Variants in CXCR5 observed in about 807,000 individuals in gnomAD.
CXCR5 encodes the protein C-X-C motif chemokine receptor 5.
CXCR5 carries 3 observed loss-of-function variants against 5.6 expected under a neutral mutation model. That is an observed-to-expected ratio of 0.54 (90% CI 0.24 to 1.39). CXCR5 has a LOEUF of 1.39. Ranked by LOEUF, CXCR5 falls within the 40% of genes most tolerant of loss-of-function variation. CXCR5 has a pLI of 0.16. For synonymous variants in CXCR5, 218 were observed against 219.9 expected (o/e 0.99, Z 0.08); for missense variants, 333 against 494.6 (o/e 0.67, Z 3.10).
rs1466108313 is a variant in CXCR5 at position 118,893,050 on chromosome 11, T to C, written c.52-546T>C. On this transcript the variant is annotated intron_variant, in intron 1 of 1. Transcript: ENST00000292174. The surrounding 1 kb of genome is among the most constrained non-coding windows in gnomAD (Gnocchi z 5.7). Reference sequence around the variant, plus strand: ...CATACCTTGAGCGGGTTGTGCATATTGAACCAGATGGGAGGCTATTACTGC... The same window carrying C: ...CATACCTTGAGCGGGTTGTGCATATCGAACCAGATGGGAGGCTATTACTGC... 6.6e-6 allele frequency among the ~76,000 whole-genome samples: 1 copy of C among 152,142 alleles called. No individual in the cohort carries two copies. Among genetic ancestry groups the C allele is most frequent in the Non-Finnish European group, 1.5e-5 (1 of 68,024 alleles).
Position 118,895,054 on chromosome 11 carries a change from G to A in CXCR5, c.*391G>A, listed in dbSNP as rs1397614500. The A allele has an allele frequency of 5.3e-6, 1 of 187,048 alleles. No homozygotes were observed. The highest frequency in any genetic ancestry group is 2.4e-5 in the African/African-American group (1 of 42,242). The allele number at this position is 187,048 out of a possible 1,614,324, so 11.6% of individuals were successfully genotyped here. A position where few individuals can be genotyped will look rare whatever the true frequency, so the allele number is the denominator to read the frequency against. Reference sequence around the variant, plus strand: ...CCCAGAACACACTCCATCAGCTTAGGGGCTGCTGACCTCCACAGCTTCCCC... The same window carrying A: ...CCCAGAACACACTCCATCAGCTTAGAGGCTGCTGACCTCCACAGCTTCCCC... On this transcript the variant is annotated 3_prime_UTR_variant, in exon 2 of 2. Coordinates refer to ENST00000292174, the MANE Select transcript of CXCR5 (RefSeq NM_001716.5). This position sits in a 1 kb window ranked among gnomAD's most constrained non-coding sequence, Gnocchi z 4.2.
Position 118,897,451 on chromosome 11 carries a change from G to A in CXCR5, c.*2788G>A, listed in dbSNP as rs1047236002. On this transcript the variant is annotated 3_prime_UTR_variant, in exon 2 of 2. Transcript: ENST00000292174. ...TGGAAAGCCAGGGCCCCGTGTCACC[G>A]GTGTGGGCAAACACACATGCACGTG... 3.8e-5 allele frequency: 8 copies of A among 211,178 alleles called. No individual in the cohort carries two copies. The highest frequency in any genetic ancestry group is 1.2e-4 in the African/African-American group (5 of 42,076). 13.1% of individuals were successfully genotyped at this position (211,178 alleles called of 1,614,324 possible).
chr11:118,894,084 T>C lies in CXCR5; in HGVS notation c.540T>C (p.Leu180=). 6.2e-7 allele frequency: 1 copy of C among 1,614,004 alleles called. No homozygotes were observed. The change falls in exon 2 of 2, where the codon CTT becomes CTC. Residue 180 remains leucine (L), a synonymous_variant. Transcript: ENST00000292174. The surrounding 1 kb of genome is among the most constrained non-coding windows in gnomAD (Gnocchi z 6.1). ...CGTIWLVGFL[L]ALPEILFAKV... is the part of the protein sequence containing the mutation. ...CCATCTGGCTGGTGGGCTTCCTCCTTGCCTTGCCAGAGATTCTCTTCGCCA... is the reference window on the plus strand; with the variant it reads ...CCATCTGGCTGGTGGGCTTCCTCCTCGCCTTGCCAGAGATTCTCTTCGCCA...
intron 1 of CXCR5, chr11:118,887,563 A>C: frequency 2.4e-6 from 1 of 413,138 alleles, no homozygotes; most frequent in Non-Finnish European, 3.3e-6. Context: ...AGTCTCACAG[A>C]CTTGTCCCTG....
At position 118,893,769 on chromosome 11, in the gene CXCR5, C is replaced by A. The variant is rs1939849805; in HGVS notation, c.225C>A (p.Ile75=). 6.2e-7 allele frequency: 1 copy of A among 1,614,160 alleles called. No homozygotes were observed. Among genetic ancestry groups the A allele is most frequent in the South Asian group, 1.1e-5 (1 of 91,084 alleles). ...TCGGCAACGTCCTGGTGCTGGTGAT[C>A]CTGGAGCGGCACCGGCAGACACGCA... is the stretch of plus-strand genomic sequence containing the variant. The part of the protein sequence containing the change: ...GVIGNVLVLV[I]LERHRQTRSS... The change falls in exon 2 of 2, where the codon ATC becomes ATA. Residue 75 remains isoleucine (I), a synonymous_variant. Transcript: ENST00000292174. The surrounding 1 kb of genome is among the most constrained non-coding windows in gnomAD (Gnocchi z 5.7).
intron 1 of CXCR5, among the ~76,000 whole-genome samples, chr11:118,889,334 G>A (rs189464520): frequency 6.6e-6 from 1 of 152,344 alleles, no homozygotes; most frequent in East Asian, 1.9e-4. Flanking sequence ...CTGTGTCTAT[G>A]CAAGGTGCAT....
At chr11:118,885,237 C>T (rs76109832) in intron 1 of CXCR5, among the ~76,000 whole-genome samples, 4,722 of 152,232 alleles carry the variant, frequency 0.031, 93 homozygotes, top group Middle Eastern at 0.061. Context: ...CGGATCCAAA[C>T]CGTAGGTGGA....
In CXCR5 at chr11:118,893,017, T is replaced by C. The variant is rs538639276; in HGVS notation, c.52-579T>C. ...GCAAGACACATCTGTGAAATAGGAA[T>C]AATATTACATACCTTGAGCGGGTTG... On this transcript the variant is annotated intron_variant, in intron 1 of 1. Transcript: ENST00000292174. The surrounding 1 kb of genome is among the most constrained non-coding windows in gnomAD (Gnocchi z 5.7). Among the ~76,000 whole-genome samples, 1 of 152,318 alleles carries C rather than the reference T, an allele frequency of 6.6e-6. No individual in the cohort carries two copies. The highest frequency in any genetic ancestry group is 2.1e-4 in the South Asian group (1 of 4,828).
intron 1 of CXCR5, among the ~76,000 whole-genome samples, chr11:118,885,256 C>T (rs1329237995): frequency 1.3e-5 from 2 of 152,128 alleles, no homozygotes; most frequent in South Asian, 2.1e-4. Context: ...GAATCAGAGC[C>T]GGACCATTCA....
chr11:118,895,018 C>T lies in CXCR5; in HGVS notation c.*355C>T, dbSNP rs1446413935. 17 of 213,700 alleles carry T rather than the reference C, an allele frequency of 8.0e-5. No homozygotes were observed. Among genetic ancestry groups the T allele is most frequent in the African/African-American group, 2.8e-4 (12 of 43,156 alleles). 13.2% of individuals were successfully genotyped at this position (213,700 alleles called of 1,614,324 possible). A position where few individuals can be genotyped will look rare whatever the true frequency, so the allele number is the denominator to read the frequency against. On this transcript the variant is annotated 3_prime_UTR_variant, in exon 2 of 2. Transcript: ENST00000292174. This position sits in a 1 kb window ranked among gnomAD's most constrained non-coding sequence, Gnocchi z 4.2. Reference sequence around the variant, plus strand: ...TACTTCTGCCCTTGCCAACGGAGAGCGCCTGCCCCTCCCAGAACACACTCC... The same window carrying T: ...TACTTCTGCCCTTGCCAACGGAGAGTGCCTGCCCCTCCCAGAACACACTCC...
chr11:118,889,635 C>T lies in CXCR5; in HGVS notation c.52-3961C>T, dbSNP rs563966747. 3.3e-5 allele frequency among the ~76,000 whole-genome samples: 5 copies of T among 152,254 alleles called. No individual in the cohort carries two copies. In the South Asian group the frequency reaches 6.2e-4, roughly 19 times the overall value. ...AAGTGGCTTTAACATGTGCCACTCC[C>T]GAACCCCCAAAACGTCTGTTTGACA... On this transcript the variant is annotated intron_variant, in intron 1 of 1. Coordinates refer to ENST00000292174, the MANE Select transcript of CXCR5 (RefSeq NM_001716.5).
intron 1 of CXCR5, 112 bp downstream of exon 1, chr11:118,884,104 T>G (rs1591962952): frequency 9.3e-7 from 1 of 1,071,182 alleles, no homozygotes; most frequent in East Asian, 2.6e-5. Context: ...CCACTGTGGA[T>G]CTGTAAAATC....
chr11:118,891,154 T>C (rs995619888), intron 1 of CXCR5, among the ~76,000 whole-genome samples: 1 of 151,536 alleles, frequency 6.6e-6, no homozygotes, highest in Non-Finnish European at 1.5e-5. Context: ...TGCAATGAGT[T>C]CTAAACTTTA....
intron 1 of CXCR5, chr11:118,887,192 G>A (rs538997563): frequency 2.7e-4 from 262 of 964,480 alleles, no homozygotes; most frequent in Middle Eastern, 5.4e-4. Flanking sequence ...CCCCAGGGAC[G>A]CAGGCTGCAG....
intron 1 of CXCR5, among the ~76,000 whole-genome samples, chr11:118,890,310 C>T (rs944503256): frequency 4.6e-5 from 7 of 152,256 alleles, no homozygotes; most frequent in African/African-American, 1.4e-4. Context: ...GTCTGTCCTA[C>T]GTAAAACACG....
rs992165997 is a variant in CXCR5, at chr11:118,894,867, A to C, written c.*204A>C. ...TCTGCCGGCCCTGGGGCTAGGCTGG[A>C]GCCCAGGGAGCGGAAAGCAGCTCAA... On this transcript the variant is annotated 3_prime_UTR_variant, in exon 2 of 2. Transcript: ENST00000292174. The surrounding 1 kb of genome is among the most constrained non-coding windows in gnomAD (Gnocchi z 6.1). The C allele has an allele frequency of 8.1e-6, 4 of 494,158 alleles. No homozygotes were observed. The highest frequency in any genetic ancestry group is 1.1e-5 in the Non-Finnish European group (3 of 285,488). 30.6% of individuals were successfully genotyped at this position (494,158 alleles called of 1,614,324 possible).
chr11:118,894,775 A>G lies in CXCR5; in HGVS notation c.*112A>G. On this transcript the variant is annotated 3_prime_UTR_variant, in exon 2 of 2. Coordinates refer to ENST00000292174, the MANE Select transcript of CXCR5 (RefSeq NM_001716.5). The surrounding 1 kb of genome is among the most constrained non-coding windows in gnomAD (Gnocchi z 6.1). ...GGCTCACCGTGGCTAAGAGTGTCCT[A>G]GGAGTATCCTCATTTGGGGTAGCTA... 9.6e-7 allele frequency: 1 copy of G among 1,046,926 alleles called. No homozygotes were observed. 64.9% of individuals were successfully genotyped at this position (1,046,926 alleles called of 1,614,324 possible). A position where few individuals can be genotyped will look rare whatever the true frequency, so the allele number is the denominator to read the frequency against.
chr11:118,897,493 G>C lies in CXCR5; in HGVS notation c.*2830G>C. On this transcript the variant is annotated 3_prime_UTR_variant, in exon 2 of 2. Coordinates refer to ENST00000292174, the MANE Select transcript of CXCR5 (RefSeq NM_001716.5). ...ATGCACGTGCACACATGTTCTCCCT[G>C]AATCACTCAGCAGCAGACAGGCTGC... 1 of 328,034 alleles carries C rather than the reference G, an allele frequency of 3.0e-6. No individual in the cohort carries two copies. Among genetic ancestry groups the C allele is most frequent in the Non-Finnish European group, 5.9e-6 (1 of 168,264 alleles). 20.3% of individuals were successfully genotyped at this position (328,034 alleles called of 1,614,324 possible).
chr11:118,887,163 C>A, intron 1 of CXCR5: 1 of 847,454 alleles, frequency 1.2e-6, no homozygotes, highest in Non-Finnish European at 1.4e-6. Flanking sequence ...GCAGAGTCTC[C>A]GTCAGGAACT....
Sources: gnomAD v4.1 joint callset for allele counts (sites outside exome capture counted in the v4.1 genomes callset) on GRCh38, gnomAD v4.1.1 for gene constraint, Gnocchi (gnomAD v3.1) non-coding constraint, MANE v1.5 for transcripts, NCBI Gene and HGNC (gene_info 2026-07-23, HGNC 2026-07-21) for gene names.